Variants in MSI2 observed in about 807,000 individuals in gnomAD.
MSI2 encodes the protein RNA-binding protein Musashi homolog 2.
A neutral mutation model predicts 45.6 loss-of-function variants in MSI2; 17 were observed. The ratio of observed to expected loss-of-function variants is 0.37; its 90% CI spans 0.26 to 0.56. MSI2 has a LOEUF of 0.56. Among genes scored for constraint, MSI2 ranks in the 20% least tolerant of loss-of-function variants. MSI2 has a pLI of 0.77. For missense variants in MSI2, 293 were observed against 444.2 expected (o/e 0.66, Z 3.06); for synonymous variants, 156 against 158.2 (o/e 0.99, Z 0.11).
intron 7 of MSI2, among the ~76,000 whole-genome samples, chr17:57,534,898 A>C (rs561563136): frequency 2.0e-5 from 3 of 152,318 alleles, no homozygotes; most frequent in Admixed American, 2.0e-4. Context: ...CACTGGGCTG[A>C]TCGTCAATGG....
chr17:57,519,022 A>G (rs1425527116), intron 6 of MSI2, among the ~76,000 whole-genome samples: 1 of 152,032 alleles, frequency 6.6e-6, no homozygotes, highest in Non-Finnish European at 1.5e-5. Flanking sequence ...CCCACTCTCC[A>G]GGGTGGTGCT....
chr17:57,602,166 A>C (rs184030397), intron 8 of MSI2, among the ~76,000 whole-genome samples: 1 of 152,288 alleles, frequency 6.6e-6, no homozygotes, highest in Non-Finnish European at 1.5e-5. Context: ...AATGTAGCCC[A>C]ATGCAAATTC....
chr17:57,480,715 G>A (rs1290677710), intron 6 of MSI2, among the ~76,000 whole-genome samples: 1 of 152,168 alleles, frequency 6.6e-6, no homozygotes, highest in Admixed American at 6.5e-5. Context: ...TCTCAGAATT[G>A]CCACCTTCTA....
chr17:57,537,336 G>T (rs1598378701), intron 7 of MSI2, among the ~76,000 whole-genome samples: 1 of 152,162 alleles, frequency 6.6e-6, no homozygotes, highest in Non-Finnish European at 1.5e-5. Flanking sequence ...CCCAGGCCCT[G>T]TAACCTTGCA....
At chr17:57,545,861 G>A (rs1450917393) in intron 7 of MSI2, among the ~76,000 whole-genome samples, 1 of 152,108 alleles carries the variant, frequency 6.6e-6, no homozygotes, top group Non-Finnish European at 1.5e-5. Context: ...GGGAATAACA[G>A]CGGCCACCGG....
At chr17:57,507,430 C>T (rs749384814) in intron 6 of MSI2, among the ~76,000 whole-genome samples, 9 of 152,142 alleles carry the variant, frequency 5.9e-5, no homozygotes, top group Non-Finnish European at 1.3e-4. Flanking sequence ...ACTGTGAACT[C>T]ATATTCAGAC....
rs1236439444 is a variant in MSI2, at chr17:57,551,053, A to G, written c.454+21329A>G. 3.3e-5 allele frequency among the ~76,000 whole-genome samples: 5 copies of G among 152,158 alleles called. No individual in the cohort carries two copies. In the East Asian group the frequency reaches 9.6e-4, roughly 29 times the overall value. ...AGAAAGAATGGTTATTATTCACATG[A>G]ATGACCTTCTCCCGGTGCTTTTTTG... is the stretch of plus-strand genomic sequence containing the variant. On this transcript the variant is annotated intron_variant, in intron 7 of 13. Coordinates refer to ENST00000284073, the MANE Select transcript of MSI2 (RefSeq NM_138962.4).
rs1333133111 is a variant in MSI2 at position 57,407,493 on chromosome 17, A to T, written c.405+6022A>T. On this transcript the variant is annotated intron_variant, in intron 6 of 13. Transcript: ENST00000284073. The surrounding 1 kb of genome is among the most constrained non-coding windows in gnomAD (Gnocchi z 4.1). Reference sequence around the variant, plus strand: ...CTTTAAATGTGTGTCGTAGATAAACAGAGCTCTGTGCAGTGTGGTTCTCTC... The same window carrying T: ...CTTTAAATGTGTGTCGTAGATAAACTGAGCTCTGTGCAGTGTGGTTCTCTC... Among the ~76,000 whole-genome samples the T allele has an allele frequency of 6.6e-6, 1 of 152,210 alleles. No individual in the cohort carries two copies. Among genetic ancestry groups the T allele is most frequent in the African/African-American group, 2.4e-5 (1 of 41,450 alleles).
At chr17:57,697,301 A>T in the MSI2 span, among the ~76,000 whole-genome samples, 1 of 151,536 alleles carries the variant, frequency 6.6e-6, no homozygotes, top group East Asian at 1.9e-4. Context: ...ACACACTCAC[A>T]TGGACCCACT....
intron 6 of MSI2, among the ~76,000 whole-genome samples, chr17:57,510,449 C>T (rs1475899331): frequency 1.3e-5 from 2 of 151,482 alleles, no homozygotes; most frequent in Non-Finnish European, 2.9e-5. Context: ...TTTCTGGAGA[C>T]AGAGTTTTGC....
intron 6 of MSI2, among the ~76,000 whole-genome samples, chr17:57,451,955 G>A (rs79766813): frequency 0.017 from 2,552 of 152,306 alleles, 84 homozygotes; most frequent in African/African-American, 0.058. Flanking sequence ...GTATCAGGGC[G>A]TGAGGAAGTT....
intron 10 of MSI2, among the ~76,000 whole-genome samples, chr17:57,635,150 G>A (rs1909744113): frequency 6.6e-6 from 1 of 152,256 alleles, no homozygotes; most frequent in Non-Finnish European, 1.5e-5. Context: ...GGGACTGTGA[G>A]TAGTTCAGTG....
At chr17:57,667,127 C>T (rs1053011626) in intron 11 of MSI2, among the ~76,000 whole-genome samples, 1 of 152,280 alleles carries the variant, frequency 6.6e-6, no homozygotes, top group South Asian at 2.1e-4. Flanking sequence ...CATCTCGCCT[C>T]CCCAGGGCTG....
intron 5 of MSI2, among the ~76,000 whole-genome samples, chr17:57,290,049 G>A (rs1334600347): frequency 6.6e-6 from 1 of 152,222 alleles, no homozygotes; most frequent in African/African-American, 2.4e-5. Flanking sequence ...CCTTGGAGAG[G>A]CAGTATAGCC....
chr17:57,699,417 C>T, the MSI2 span, among the ~76,000 whole-genome samples: 2 of 151,878 alleles, frequency 1.3e-5, no homozygotes, highest in Admixed American at 6.6e-5. Context: ...CTCATGCCAT[C>T]CTCCCTTTCA....
At chr17:57,476,197 C>A (rs1437940095) in intron 6 of MSI2, among the ~76,000 whole-genome samples, 1 of 152,198 alleles carries the variant, frequency 6.6e-6, no homozygotes, top group Non-Finnish European at 1.5e-5. Flanking sequence ...TTTACATCAG[C>A]AGCTCCCTCT....
intron 5 of MSI2, among the ~76,000 whole-genome samples, chr17:57,396,764 ACACTCCC>A (rs1237795345): frequency 1.7e-4 from 26 of 152,308 alleles, no homozygotes; most frequent in African/African-American, 5.8e-4. Context: ...GAGAGCCTGA[ACACTCCC>A]CACTGCCCTT....
At chr17:57,373,540 A>T (rs572046254) in intron 5 of MSI2, among the ~76,000 whole-genome samples, 1 of 152,350 alleles carries the variant, frequency 6.6e-6, no homozygotes, top group South Asian at 2.1e-4. Context: ...GGGCATTAAA[A>T]TGCTTCCAGA....
intron 6 of MSI2, among the ~76,000 whole-genome samples, chr17:57,456,122 A>G (rs1054871894): frequency 3.9e-5 from 6 of 152,148 alleles, no homozygotes; most frequent in African/African-American, 1.4e-4. Flanking sequence ...AACAACCACT[A>G]CGGTTTAACA....
Sources: allele counts gnomAD v4.1 joint callset (sites outside exome capture counted in the v4.1 genomes callset), GRCh38; gene constraint gnomAD v4.1.1; non-coding constraint Gnocchi (gnomAD v3.1); transcripts MANE v1.5; gene names NCBI Gene and HGNC (gene_info 2026-07-23, HGNC 2026-07-21).